CNPY1: variants seen among roughly 807,000 people sequenced by gnomAD.
CNPY1 encodes the protein canopy FGF signaling regulator 1.
CNPY1 carries 14 observed loss-of-function variants against 14.4 expected under a neutral mutation model. The observed-to-expected ratio is 0.97, with a 90% CI of 0.64 to 1.52. The LOEUF is 1.52. Among genes scored for constraint, CNPY1 ranks in the 40% most tolerant of loss-of-function variants. The probability of loss-of-function intolerance (pLI) is 0.00; values close to 1 mark genes in which losing one functional copy is unlikely to be tolerated. For synonymous variants in CNPY1, 43 were observed against 46.5 expected (o/e 0.92, Z 0.31); for missense variants, 129 against 131.5 (o/e 0.98, Z 0.09).
chr7:155,513,481 A>G (rs1796563909), intron 2 of CNPY1, among the ~76,000 whole-genome samples: 1 of 152,212 alleles, frequency 6.6e-6, no homozygotes, highest in South Asian at 2.1e-4. Flanking sequence ...TAATGAAAAT[A>G]ATACCTAAAT....
In CNPY1 at chr7:155,507,044, C is replaced by T; in HGVS notation, c.376G>A (p.Asp126Asn). Residue 126 changes from aspartate (D) to asparagine (N), a missense_variant, in exon 4 of 5, where the codon GAC becomes AAC. By Grantham distance (23) the Asp-to-Asn change is conservative (BLOSUM62 1). Transcript: ENST00000636446. ...LIAQETHYLA[D>N]KLCSEKSDLC... ...CCTGATTTTTCACTGCACAGCTTGT[C>T]AGCTAGATAGTGTGTCTCCTGGGCG... The T allele has an allele frequency of 6.2e-7, 1 of 1,611,110 alleles. No individual in the cohort carries two copies. Among genetic ancestry groups the T allele is most frequent in the Non-Finnish European group, 8.5e-7 (1 of 1,177,574 alleles).
At chr7:155,541,478 C>T (rs1224791122) in intron 2 of CNPY1, among the ~76,000 whole-genome samples, 9 of 152,224 alleles carry the variant, frequency 5.9e-5, no homozygotes, top group Admixed American at 5.9e-4. Context: ...TCTGAGCTAG[C>T]TTGAGAATGA....
intron 4 of CNPY1, among the ~76,000 whole-genome samples, chr7:155,504,236 G>C (rs1796218654): frequency 6.6e-6 from 1 of 151,846 alleles, no homozygotes; most frequent in South Asian, 2.1e-4. Context: ...AACCTTTCAT[G>C]GATATTTTTT....
At chr7:155,524,012 T>C (rs1333206863) in intron 2 of CNPY1, among the ~76,000 whole-genome samples, 1 of 152,106 alleles carries the variant, frequency 6.6e-6, no homozygotes, top group East Asian at 1.9e-4. Context: ...ACAGACTAGA[T>C]TTTCCCTCTG....
chr7:155,543,677 TGTTCTCCAACACAAGGGCTTTAAAGACGA>T lies in CNPY1; in HGVS notation c.99+2125_99+2153del, dbSNP rs1386304967. Among the ~76,000 whole-genome samples the T allele has an allele frequency of 2.0e-5, 3 of 152,184 alleles. No homozygotes were observed. In the East Asian group the frequency reaches 5.8e-4, roughly 29 times the overall value. ...CCACACACCCACCGCCAGGCCATGC[TGTTCTCCAACACAAGGGCTTTAAAGACGA>T]GTTCTCCAACACGAGGAACCCACCC... On this transcript the variant is annotated intron_variant, in intron 2 of 4. Coordinates refer to ENST00000636446, the MANE Select transcript of CNPY1 (RefSeq NM_001393663.1).
chr7:155,543,048 C>T (rs1056159645), intron 2 of CNPY1, among the ~76,000 whole-genome samples: 1 of 152,312 alleles, frequency 6.6e-6, no homozygotes, highest in South Asian at 2.1e-4. Context: ...GAACCCGCCT[C>T]ACCCCTCCCA....
In CNPY1 at chr7:155,502,215, A is replaced by T. The variant is rs953991431; in HGVS notation, c.*853T>A. ...TGTGGCCAAAAGATAATTTCCCACC[A>T]GGTCCCAACTCTTTTTCCATTCCTG... On this transcript the variant is annotated 3_prime_UTR_variant, in exon 5 of 5. Transcript: ENST00000636446. 59 of 152,348 alleles carry T rather than the reference A, an allele frequency of 3.9e-4. No individual in the cohort carries two copies. The highest frequency in any genetic ancestry group is 1.4e-3 in the African/African-American group (57 of 41,586). 9.4% of individuals were successfully genotyped at this position (152,348 alleles called of 1,614,324 possible).
At chr7:155,505,732 C>T (rs1349890320) in intron 4 of CNPY1, among the ~76,000 whole-genome samples, 1 of 152,204 alleles carries the variant, frequency 6.6e-6, no homozygotes, top group Non-Finnish European at 1.5e-5. Flanking sequence ...TTGCTTCTAT[C>T]TGAATGCCTA....
chr7:155,520,524 G>A (rs2116714057), intron 2 of CNPY1, among the ~76,000 whole-genome samples: 1 of 127,638 alleles, frequency 7.8e-6, no homozygotes, highest in Admixed American at 9.8e-5. Context: ...TGCAACCTCC[G>A]CCTCCCCAGT....
intron 2 of CNPY1, chr7:155,533,819 G>T (rs561250269): frequency 1.3e-5 from 2 of 152,126 alleles, no homozygotes; most frequent in Non-Finnish European, 2.9e-5. Context: ...AACTCTCAGC[G>T]GCTTTGCTCT....
In CNPY1 at chr7:155,502,619, T is replaced by TA. The variant is rs1796152899; in HGVS notation, c.*448_*449insT. 6.5e-6 allele frequency: 1 copy of TA among 154,302 alleles called. No homozygotes were observed. Among genetic ancestry groups the TA allele is most frequent in the Non-Finnish European group, 1.4e-5 (1 of 69,480 alleles). 9.6% of individuals were successfully genotyped at this position (154,302 alleles called of 1,614,324 possible). A position where few individuals can be genotyped will look rare whatever the true frequency, so the allele number is the denominator to read the frequency against. The stretch of plus-strand genomic sequence containing the variant: ...CCCAGAAGGCCACATTTTGAATTTG[T>TA]TGCCATGTATTTCCTTAAATTTATA... On this transcript the variant is annotated 3_prime_UTR_variant, in exon 5 of 5. Transcript: ENST00000636446.
chr7:155,505,649 G>A (rs1265039705), intron 4 of CNPY1, among the ~76,000 whole-genome samples: 4 of 152,144 alleles, frequency 2.6e-5, no homozygotes, highest in African/African-American at 7.2e-5. Context: ...GTGGATCTGC[G>A]TTTGTCATAG....
intron 2 of CNPY1, among the ~76,000 whole-genome samples, chr7:155,537,431 T>A (rs1797036645): frequency 6.6e-6 from 1 of 151,486 alleles, no homozygotes; most frequent in South Asian, 2.1e-4. Flanking sequence ...TTTCTTTTTT[T>A]TTTTTTTTTG....
chr7:155,507,675 A>G (rs1796374946), intron 3 of CNPY1, among the ~76,000 whole-genome samples: 1 of 152,098 alleles, frequency 6.6e-6, no homozygotes, highest in Non-Finnish European at 1.5e-5. Context: ...GTGTCTTTTC[A>G]TGCTGTTTAG....
At chr7:155,533,070 G>A (rs1796968042) in intron 2 of CNPY1, among the ~76,000 whole-genome samples, 1 of 152,224 alleles carries the variant, frequency 6.6e-6, no homozygotes, top group Admixed American at 6.5e-5. Flanking sequence ...TGCAAGCTCT[G>A]CACATCGCTA....
chr7:155,526,849 C>T (rs528519510), intron 2 of CNPY1, among the ~76,000 whole-genome samples: 3 of 152,234 alleles, frequency 2.0e-5, no homozygotes, highest in African/African-American at 7.2e-5. Flanking sequence ...CCTTTGACCC[C>T]TGCCTTTCAG....
chr7:155,538,930 G>A (rs1797054183), intron 2 of CNPY1, among the ~76,000 whole-genome samples: 1 of 152,160 alleles, frequency 6.6e-6, no homozygotes, highest in Admixed American at 6.6e-5. Flanking sequence ...CACACCACAT[G>A]TAGACCCGGA....
chr7:155,509,031 C>T lies in CNPY1; in HGVS notation c.166G>A (p.Asp56Asn). 1 of 1,612,412 alleles carries T rather than the reference C, an allele frequency of 6.2e-7. No homozygotes were observed. Among genetic ancestry groups the T allele is most frequent in the Non-Finnish European group, 8.5e-7 (1 of 1,179,548 alleles). ...LLEKVCERMN[D>N]YKLEEDPVTK... Reference sequence around the variant, plus strand: ...ACAGGGTCTTCCTCAAGCTTGTAGTCGTTCATTCGCTCACAGACTTTCTCC... The same window carrying T: ...ACAGGGTCTTCCTCAAGCTTGTAGTTGTTCATTCGCTCACAGACTTTCTCC... Residue 56 changes from aspartate (D) to asparagine (N), a missense_variant, in exon 3 of 5, where the codon GAC becomes AAC. Physicochemically the swap from Asp to Asn is conservative, Grantham distance 23. Transcript: ENST00000636446.
At chr7:155,538,929 T>C (rs1036412526) in intron 2 of CNPY1, among the ~76,000 whole-genome samples, 30 of 152,074 alleles carry the variant, frequency 2.0e-4, no homozygotes, top group Non-Finnish European at 4.4e-4. Flanking sequence ...CCACACCACA[T>C]GTAGACCCGG....
Sources: allele counts gnomAD v4.1 joint callset (sites outside exome capture counted in the v4.1 genomes callset), GRCh38; gene constraint gnomAD v4.1.1; transcripts MANE v1.5; gene names NCBI Gene and HGNC (gene_info 2026-07-23, HGNC 2026-07-21).